Variants in MACROD1 observed in about 807,000 individuals in gnomAD.
MACROD1 encodes the protein ADP-ribose glycohydrolase MACROD1.
MACROD1 carries 31 observed loss-of-function variants against 41.4 expected under a neutral mutation model. That is an observed-to-expected ratio of 0.75 (90% CI 0.56 to 1.01). The LOEUF (loss-of-function observed/expected upper bound fraction) is 1.01. Ranked by LOEUF, MACROD1 falls within the 50% of genes least tolerant of loss-of-function variation. The pLI, the probability that MACROD1 is intolerant of heterozygous loss-of-function variation, is 0.00. For synonymous variants in MACROD1, 252 were observed against 203.4 expected, an observed-to-expected ratio of 1.24 and a Z score of -2.03; for missense variants, 473 against 460.0, an observed-to-expected ratio of 1.03 and a Z score of -0.26.
intron 3 of MACROD1, among the ~76,000 whole-genome samples, chr11:64,032,036 T>A (rs1175571506): frequency 6.6e-6 from 1 of 152,186 alleles, no homozygotes; most frequent in Non-Finnish European, 1.5e-5. Flanking sequence ...CCCTGACCAC[T>A]GCCCTGGGAT....
chr11:64,052,137 G>A (rs937279041), intron 3 of MACROD1, among the ~76,000 whole-genome samples: 1 of 151,940 alleles, frequency 6.6e-6, no homozygotes, highest in African/African-American at 2.4e-5. Context: ...AGAAAGAGTG[G>A]CCTTGGGGCC....
chr11:64,147,471 G>T (rs2134694150), intron 3 of MACROD1, among the ~76,000 whole-genome samples: 1 of 151,698 alleles, frequency 6.6e-6, no homozygotes, highest in Admixed American at 6.6e-5. Context: ...GCTCACTGCA[G>T]CCTTGACCTC....
chr11:64,001,496 C>G (rs1266990877), intron 4 of MACROD1: 1 of 702,444 alleles, frequency 1.4e-6, no homozygotes, highest in Non-Finnish European at 2.6e-6. Context: ...TCACCTCAGT[C>G]TCGGCACAGT....
At chr11:64,043,364 T>G (rs1228504337) in intron 3 of MACROD1, among the ~76,000 whole-genome samples, 1 of 152,144 alleles carries the variant, frequency 6.6e-6, no homozygotes, top group Non-Finnish European at 1.5e-5. Flanking sequence ...GCAGGAAGGC[T>G]TGTGGGGCAC....
At chr11:64,033,837 G>C (rs57196716) in intron 3 of MACROD1, among the ~76,000 whole-genome samples, 1 of 151,642 alleles carries the variant, frequency 6.6e-6, no homozygotes, top group East Asian at 2.0e-4. Context: ...GTGAAACGCC[G>C]CCCCCCCAAA....
chr11:64,018,286 T>C (rs1053472860), intron 3 of MACROD1, among the ~76,000 whole-genome samples: 5 of 151,794 alleles, frequency 3.3e-5, no homozygotes, highest in Admixed American at 1.3e-4. Context: ...GTCCCACGGG[T>C]GGGGGGGCTC....
At chr11:64,031,725 G>A (rs1039551732) in intron 3 of MACROD1, among the ~76,000 whole-genome samples, 20 of 152,146 alleles carry the variant, frequency 1.3e-4, no homozygotes, top group Admixed American at 1.3e-4. Context: ...TGATCCACCT[G>A]CCTCGGCCTC....
chr11:64,003,692 C>G (rs1295331341), intron 4 of MACROD1, among the ~76,000 whole-genome samples: 2 of 152,218 alleles, frequency 1.3e-5, no homozygotes, highest in East Asian at 1.9e-4. Context: ...GAGAGCAAAA[C>G]TTGCCCACAC....
At chr11:64,156,286 AAAT>A (rs1297703848) in intron 1 of MACROD1, among the ~76,000 whole-genome samples, 4 of 152,236 alleles carry the variant, frequency 2.6e-5, no homozygotes, top group Admixed American at 2.6e-4. Flanking sequence ...GTCTCTAAAT[AAAT>A]AATTTGAATC....
chr11:64,022,562 C>T (rs1016833546), intron 3 of MACROD1, among the ~76,000 whole-genome samples: 1 of 152,140 alleles, frequency 6.6e-6, no homozygotes, highest in African/African-American at 2.4e-5. Flanking sequence ...GAGGGCGAGT[C>T]GTTTAAAACA....
At chr11:64,117,361 G>A in intron 3 of MACROD1, 3 of 1,613,518 alleles carry the variant, frequency 1.9e-6, no homozygotes, top group Non-Finnish European at 2.5e-6. Flanking sequence ...AAGGTCCGGG[G>A]CATGGCCATC....
In MACROD1 at chr11:64,090,305, A is replaced by G. The variant is rs1381032144; in HGVS notation, c.517+60934T>C. On this transcript the variant is annotated intron_variant, in intron 3 of 10. Transcript: ENST00000255681. This position sits in a 1 kb window ranked among gnomAD's most constrained non-coding sequence, Gnocchi z 4.7. The stretch of plus-strand genomic sequence containing the variant: ...CGTTGCTTTTCCCGTCTGGGAGTCT[A>G]ATAGTCAGCAGTTATTTATCGTCTC... 5.3e-5 allele frequency among the ~76,000 whole-genome samples: 8 copies of G among 152,202 alleles called. No individual in the cohort carries two copies. Among genetic ancestry groups the G allele is most frequent in the Non-Finnish European group, 1.2e-4 (8 of 68,026 alleles).
At chr11:64,017,499 G>A (rs1217566734) in intron 3 of MACROD1, among the ~76,000 whole-genome samples, 2 of 151,904 alleles carry the variant, frequency 1.3e-5, no homozygotes, top group South Asian at 4.1e-4. Context: ...CTGACCCCAG[G>A]GACACTGTCT....
chr11:64,052,309 G>A (rs996889499), intron 3 of MACROD1, among the ~76,000 whole-genome samples: 2 of 152,168 alleles, frequency 1.3e-5, no homozygotes, highest in Non-Finnish European at 2.9e-5. Flanking sequence ...GTGAGAAGTT[G>A]TGAGAATTAT....
intron 3 of MACROD1, among the ~76,000 whole-genome samples, chr11:64,040,731 C>T (rs1241969589): frequency 6.6e-6 from 1 of 152,122 alleles, no homozygotes; most frequent in East Asian, 1.9e-4. Context: ...TCCGCAGAAA[C>T]CCTCCCCAGC....
chr11:64,033,324 G>C (rs1225045890), intron 3 of MACROD1, among the ~76,000 whole-genome samples: 1 of 152,206 alleles, frequency 6.6e-6, no homozygotes, highest in African/African-American at 2.4e-5. Context: ...CAGCCACCAG[G>C]CATGGCTGAG....
At chr11:64,041,226 A>G (rs1033354765) in intron 3 of MACROD1, among the ~76,000 whole-genome samples, 1 of 150,438 alleles carries the variant, frequency 6.6e-6, no homozygotes, top group Non-Finnish European at 1.5e-5. Flanking sequence ...AAAAAAAAAA[A>G]AAAGCATGAG....
intron 1 of MACROD1, among the ~76,000 whole-genome samples, chr11:64,161,195 CAA>C (rs774156883): frequency 1.3e-5 from 2 of 152,022 alleles, no homozygotes; most frequent in Non-Finnish European, 2.9e-5. Flanking sequence ...AACAAAACAA[CAA>C]AAGAGTGGGA....
rs201118336 is a variant in MACROD1, at chr11:64,072,035, G to A, written c.518-56754C>T. On this transcript the variant is annotated intron_variant, in intron 3 of 10. Coordinates refer to ENST00000255681, the MANE Select transcript of MACROD1 (RefSeq NM_014067.4). ...TAGCAAAACAAACGCACTATTGACC[G>A]CCGCGCGCACTAAATCCTCCCGGCA... 5.3e-5 allele frequency among the ~76,000 whole-genome samples: 8 copies of A among 152,346 alleles called. No homozygotes were observed. In the East Asian group the frequency reaches 9.6e-4, roughly 18 times the overall value.
Sources: gnomAD v4.1 joint callset for allele counts (sites outside exome capture counted in the v4.1 genomes callset) on GRCh38, gnomAD v4.1.1 for gene constraint, Gnocchi (gnomAD v3.1) non-coding constraint, MANE v1.5 for transcripts, NCBI Gene and HGNC (gene_info 2026-07-23, HGNC 2026-07-21) for gene names.